Variants in BACH2 observed in about 807,000 individuals in gnomAD.
BACH2 encodes the protein BACH transcriptional regulator 2, also known as transcription regulator protein BACH2.
Under a neutral mutation model 61.8 loss-of-function variants are expected in BACH2, and 5 were observed. The ratio of observed to expected loss-of-function variants is 0.08; its 90% CI spans 0.04 to 0.17. BACH2 has a LOEUF of 0.17. Among genes scored for constraint, BACH2 ranks in the 10% least tolerant of loss-of-function variants. BACH2 has a pLI of 1.00. For missense variants in BACH2, 824 were observed against 1,091.1 expected (o/e 0.76, Z 3.45); for synonymous variants, 446 against 440.1 (o/e 1.01, Z -0.17).
chr6:90,100,128 A>G (rs970408427), intron 4 of BACH2, among the ~76,000 whole-genome samples: 1 of 152,244 alleles, frequency 6.6e-6, no homozygotes, highest in Non-Finnish European at 1.5e-5. Flanking sequence ...TTATGGCTGC[A>G]TAATAATCAA....
chr6:90,284,250 C>T (rs1363556502), intron 1 of BACH2, among the ~76,000 whole-genome samples: 3 of 152,176 alleles, frequency 2.0e-5, no homozygotes, highest in African/African-American at 7.2e-5. Flanking sequence ...CATATGTAGA[C>T]ATACGGAAAT....
At chr6:90,187,222 C>T (rs1051332130) in intron 4 of BACH2, among the ~76,000 whole-genome samples, 5 of 152,082 alleles carry the variant, frequency 3.3e-5, no homozygotes, top group Admixed American at 2.0e-4. Flanking sequence ...CAAAATGTAC[C>T]GAATATTCTA....
intron 7 of BACH2, among the ~76,000 whole-genome samples, chr6:89,942,954 GTTC>G (rs1345916220): frequency 2.0e-5 from 3 of 152,200 alleles, no homozygotes; most frequent in Non-Finnish European, 4.4e-5. Context: ...AGGAGGGTTA[GTTC>G]TTCTGGAGAT....
chr6:90,205,671 A>G (rs1471849485), intron 4 of BACH2, among the ~76,000 whole-genome samples: 1 of 152,154 alleles, frequency 6.6e-6, no homozygotes. Flanking sequence ...TTTGTGCCTA[A>G]ACACATTCCT....
At chr6:90,037,887 C>T (rs1400770515) in intron 5 of BACH2, among the ~76,000 whole-genome samples, 1 of 152,148 alleles carries the variant, frequency 6.6e-6, no homozygotes, top group Non-Finnish European at 1.5e-5. Flanking sequence ...GGGAGAACAA[C>T]ACCATGTGAA....
chr6:90,027,430 C>T (rs1027540269), intron 5 of BACH2, among the ~76,000 whole-genome samples: 1 of 152,152 alleles, frequency 6.6e-6, no homozygotes, highest in Admixed American at 6.5e-5. Context: ...CACGATTTCA[C>T]CTCACAGAAT....
chr6:90,049,003 T>C (rs1362207407), intron 5 of BACH2, among the ~76,000 whole-genome samples: 2 of 152,174 alleles, frequency 1.3e-5, no homozygotes, highest in East Asian at 3.9e-4. Context: ...AATGGGGAAC[T>C]CAAAAGTTCC....
chr6:90,158,055 G>A (rs1480380981), intron 4 of BACH2, among the ~76,000 whole-genome samples: 1 of 152,126 alleles, frequency 6.6e-6, no homozygotes, highest in African/African-American at 2.4e-5. Flanking sequence ...AGCTGCTGGG[G>A]AAGGGGCATG....
intron 5 of BACH2, among the ~76,000 whole-genome samples, chr6:90,048,736 C>A (rs1582264233): frequency 6.6e-6 from 1 of 152,188 alleles, no homozygotes; most frequent in Admixed American, 6.5e-5. Flanking sequence ...ATGACTACTG[C>A]CTCATCATTT....
intron 1 of BACH2, among the ~76,000 whole-genome samples, chr6:90,283,985 T>G (rs902487093): frequency 2.0e-5 from 3 of 151,772 alleles, no homozygotes; most frequent in African/African-American, 7.3e-5. Flanking sequence ...CCAGCTTGGG[T>G]GACAGGACAA....
chr6:90,162,409 C>T (rs981595485), intron 4 of BACH2, among the ~76,000 whole-genome samples: 1 of 152,108 alleles, frequency 6.6e-6, no homozygotes, highest in African/African-American at 2.4e-5. Context: ...GAGGCCAAGG[C>T]AGGAGGACTG....
At chr6:90,170,044 A>C (rs984333388) in intron 4 of BACH2, among the ~76,000 whole-genome samples, 1 of 152,206 alleles carries the variant, frequency 6.6e-6, no homozygotes, top group Non-Finnish European at 1.5e-5. Context: ...TTACTTTCTT[A>C]CTAAACAAGT....
At chr6:90,185,096 C>T (rs1018019331) in intron 4 of BACH2, among the ~76,000 whole-genome samples, 1 of 152,100 alleles carries the variant, frequency 6.6e-6, no homozygotes, top group African/African-American at 2.4e-5. Flanking sequence ...AGGAAGACTG[C>T]TATAAACAAA....
rs575631479 is a variant in BACH2, at chr6:90,068,631, T to G, written c.-13+20330A>C. Among the ~76,000 whole-genome samples the G allele has an allele frequency of 3.1e-4, 47 of 151,888 alleles. No individual in the cohort carries two copies. The East Asian group carries it at 7.1e-3, about 23-fold the overall frequency. On this transcript the variant is annotated intron_variant, in intron 5 of 8. Transcript: ENST00000257749. ...CCATAAAAGGTGGGGAGAAACAGGTTGTTGTTGTTTTTTTTTTTTGTTTTC... is the reference window on the plus strand; with the variant it reads ...CCATAAAAGGTGGGGAGAAACAGGTGGTTGTTGTTTTTTTTTTTTGTTTTC...
intron 1 of BACH2, among the ~76,000 whole-genome samples, chr6:90,286,218 C>A (rs1278203203): frequency 2.6e-5 from 4 of 152,162 alleles, no homozygotes; most frequent in Admixed American, 2.6e-4. Flanking sequence ...AAGCACAGTT[C>A]CTGTTTTTCA....
chr6:90,268,834 C>T (rs900965349), intron 2 of BACH2, among the ~76,000 whole-genome samples: 9 of 151,972 alleles, frequency 5.9e-5, no homozygotes, highest in African/African-American at 2.2e-4. Flanking sequence ...AGAATACATG[C>T]TAATATATTC....
chr6:90,024,574 T>C (rs1349415042), intron 5 of BACH2, among the ~76,000 whole-genome samples: 1 of 152,232 alleles, frequency 6.6e-6, no homozygotes, highest in East Asian at 1.9e-4. Context: ...GACTTTTTAG[T>C]TCTAGTTTCT....
At chr6:90,281,362 T>A (rs1185629272) in intron 1 of BACH2, among the ~76,000 whole-genome samples, 1 of 152,254 alleles carries the variant, frequency 6.6e-6, no homozygotes, top group African/African-American at 2.4e-5. Context: ...AAATGTTTAC[T>A]AATAGGTCAC....
At chr6:90,104,718 G>T (rs1267418940) in intron 4 of BACH2, among the ~76,000 whole-genome samples, 1 of 152,210 alleles carries the variant, frequency 6.6e-6, no homozygotes, top group Non-Finnish European at 1.5e-5. Flanking sequence ...TGAAGGGTGA[G>T]AGAATGGCCA....
Sources: allele counts gnomAD v4.1 joint callset (sites outside exome capture counted in the v4.1 genomes callset), GRCh38; gene constraint gnomAD v4.1.1; transcripts MANE v1.5; gene names NCBI Gene and HGNC (gene_info 2026-07-23, HGNC 2026-07-21).